TRPM3: variants seen among roughly 807,000 people sequenced by gnomAD.
TRPM3 encodes long transient receptor potential channel 3.
TRPM3 carries 77 observed loss-of-function variants against 181.2 expected under a neutral mutation model. That is an observed-to-expected ratio of 0.42 (90% CI 0.35 to 0.51). The LOEUF (loss-of-function observed/expected upper bound fraction) is 0.51. TRPM3 is among the 20% of genes least tolerant of loss of function. The pLI is 0.01. For synonymous variants in TRPM3, 745 were observed against 796.4 expected, an observed-to-expected ratio of 0.94 and a Z score of 1.09; for missense variants, 1,759 against 2,196.7, an observed-to-expected ratio of 0.80 and a Z score of 3.98.
chr9:71,355,987 A>G (rs533352953), intron 1 of TRPM3, among the ~76,000 whole-genome samples: 2 of 152,306 alleles, frequency 1.3e-5, no homozygotes, highest in East Asian at 3.9e-4. Context: ...TTCAGGAAAA[A>G]CAATCTGCAA....
chr9:71,027,051 G>A (rs925441405), intron 1 of TRPM3, among the ~76,000 whole-genome samples: 2 of 152,068 alleles, frequency 1.3e-5, no homozygotes, highest in African/African-American at 4.8e-5. Context: ...GTACTTTGTG[G>A]CTGCCACCAC....
chr9:71,405,795 C>G (rs2093425517), intron 1 of TRPM3, among the ~76,000 whole-genome samples: 2 of 152,310 alleles, frequency 1.3e-5, no homozygotes, highest in East Asian at 1.9e-4. Flanking sequence ...TAATATTTGG[C>G]AGATTACAAC....
At chr9:70,554,444 G>C (rs2047176656) in intron 22 of TRPM3, among the ~76,000 whole-genome samples, 1 of 152,138 alleles carries the variant, frequency 6.6e-6, no homozygotes. Context: ...AATCTACTCG[G>C]CTGGAGTACT....
chr9:70,921,733 G>C (rs921706437), intron 1 of TRPM3, among the ~76,000 whole-genome samples: 1 of 151,988 alleles, frequency 6.6e-6, no homozygotes, highest in Non-Finnish European at 1.5e-5. Context: ...CTTTTCTGTT[G>C]TTCACTTTGA....
intron 1 of TRPM3, among the ~76,000 whole-genome samples, chr9:71,262,335 C>G (rs2083114978): frequency 6.6e-6 from 1 of 152,192 alleles, no homozygotes; most frequent in African/African-American, 2.4e-5. Context: ...ACCACCTACT[C>G]AAGCCTCAGT....
At chr9:70,945,378 A>G (rs1304805779) in intron 1 of TRPM3, among the ~76,000 whole-genome samples, 1 of 152,160 alleles carries the variant, frequency 6.6e-6, no homozygotes, top group African/African-American at 2.4e-5. Flanking sequence ...GCTATAAGGT[A>G]GTTGGTCTGT....
intron 1 of TRPM3, among the ~76,000 whole-genome samples, chr9:71,203,308 C>T (rs1443894974): frequency 6.6e-6 from 1 of 152,182 alleles, no homozygotes; most frequent in African/African-American, 2.4e-5. Flanking sequence ...ATATCCCTTT[C>T]ACAGGACCAT....
chr9:70,806,777 T>A (rs2131334693), intron 6 of TRPM3, among the ~76,000 whole-genome samples: 1 of 152,306 alleles, frequency 6.6e-6, no homozygotes, highest in Non-Finnish European at 1.5e-5. Flanking sequence ...TAGTGACATC[T>A]GGGAGCACTA....
At chr9:70,674,369 T>C (rs376138152) in intron 9 of TRPM3, among the ~76,000 whole-genome samples, 4 of 152,322 alleles carry the variant, frequency 2.6e-5, no homozygotes, top group Middle Eastern at 3.4e-3. Context: ...AACTAGGTTT[T>C]ACTAAGTTAC....
At chr9:71,239,089 A>C (rs1471310731) in intron 1 of TRPM3, among the ~76,000 whole-genome samples, 1 of 149,178 alleles carries the variant, frequency 6.7e-6, no homozygotes, top group African/African-American at 2.5e-5. Flanking sequence ...ACAAACAAAC[A>C]AAAAAAAACA....
chr9:71,057,129 C>G (rs77131538), intron 1 of TRPM3, among the ~76,000 whole-genome samples: 12,786 of 152,124 alleles, frequency 0.084, 707 homozygotes, highest in Non-Finnish European at 0.13. Flanking sequence ...CCCCTCGACA[C>G]AGAGTTGGAT....
intron 1 of TRPM3, among the ~76,000 whole-genome samples, chr9:70,924,770 T>C (rs1200441461): frequency 6.6e-6 from 1 of 152,194 alleles, no homozygotes; most frequent in Non-Finnish European, 1.5e-5. Context: ...TTGTGAATGT[T>C]AAGTACTTTA....
At chr9:70,674,342 T>A (rs1264346525) in intron 9 of TRPM3, among the ~76,000 whole-genome samples, 2 of 152,196 alleles carry the variant, frequency 1.3e-5, no homozygotes, top group African/African-American at 2.4e-5. Context: ...AAAGTTTTAC[T>A]AAGTTAACTA....
chr9:71,140,986 T>C (rs2075068319), intron 1 of TRPM3, among the ~76,000 whole-genome samples: 1 of 152,210 alleles, frequency 6.6e-6, no homozygotes, highest in Non-Finnish European at 1.5e-5. Context: ...AGTAGTCAGA[T>C]AAGACACTTG....
intron 1 of TRPM3, among the ~76,000 whole-genome samples, chr9:71,382,161 A>G (rs1282918699): frequency 6.6e-6 from 1 of 152,150 alleles, no homozygotes; most frequent in Non-Finnish European, 1.5e-5. Flanking sequence ...CTTGTATAAG[A>G]TTTAGTTTCT....
intron 6 of TRPM3, among the ~76,000 whole-genome samples, chr9:70,810,630 A>T (rs1460428146): frequency 1.3e-5 from 2 of 152,114 alleles, no homozygotes; most frequent in Non-Finnish European, 2.9e-5. Context: ...TGCTGAATGG[A>T]ATAATGACCC....
intron 1 of TRPM3, among the ~76,000 whole-genome samples, chr9:70,910,594 T>C (rs983150327): frequency 6.6e-6 from 1 of 152,194 alleles, no homozygotes; most frequent in African/African-American, 2.4e-5. Flanking sequence ...TAAATAGGTA[T>C]GCCATAGAAG....
chr9:71,419,667 T>C (rs2093696041), intron 1 of TRPM3, among the ~76,000 whole-genome samples: 1 of 151,998 alleles, frequency 6.6e-6, no homozygotes, highest in Non-Finnish European at 1.5e-5. Context: ...GATACAATAA[T>C]GTGAATGTAC....
chr9:70,926,970 A>G (rs192048337), intron 1 of TRPM3, among the ~76,000 whole-genome samples: 1 of 152,326 alleles, frequency 6.6e-6, no homozygotes, highest in Admixed American at 6.5e-5. Flanking sequence ...TTCTAGTTTA[A>G]AGGTTAAATT....
Sources: allele counts gnomAD v4.1 joint callset (sites outside exome capture counted in the v4.1 genomes callset), GRCh38; gene constraint gnomAD v4.1.1; transcripts MANE v1.5; gene names NCBI Gene and HGNC (gene_info 2026-07-23, HGNC 2026-07-21).